SHROOM4: variants seen among roughly 807,000 people sequenced by gnomAD.
The protein encoded by SHROOM4 is shroom family member 4.
Under a neutral mutation model 80.3 loss-of-function variants are expected in SHROOM4, and 17 were observed. That is an observed-to-expected ratio of 0.21 (90% CI 0.14 to 0.32). The LOEUF (loss-of-function observed/expected upper bound fraction) is 0.32. Among genes scored for constraint, SHROOM4 ranks in the 10% least tolerant of loss-of-function variants. SHROOM4 has a pLI of 1.00. For synonymous variants in SHROOM4, 400 were observed against 437.5 expected, an observed-to-expected ratio of 0.91 and a Z score of 1.07; for missense variants, 993 against 1,140.3, an observed-to-expected ratio of 0.87 and a Z score of 1.86.
intron 1 of SHROOM4, among the ~76,000 whole-genome samples, chrX:50,785,298 A>G (rs781825696): frequency 8.9e-6 from 1 of 111,754 alleles, no homozygotes; most frequent in Admixed American, 9.5e-5. Flanking sequence ...TAGATTTAAC[A>G]AAGAAAAATG....
At chrX:50,743,351 T>C (rs1371294915) in intron 1 of SHROOM4, among the ~76,000 whole-genome samples, 1 of 111,689 alleles carries the variant, frequency 9.0e-6, no homozygotes, top group Non-Finnish European at 1.9e-5. Context: ...AGAAGGAATA[T>C]GTAATTACAC....
chrX:50,769,818 G>A (rs782125963), intron 1 of SHROOM4, among the ~76,000 whole-genome samples: 5 of 111,274 alleles, frequency 4.5e-5, no homozygotes, highest in Non-Finnish European at 9.4e-5. Flanking sequence ...TACTCTTGAA[G>A]GGCTTAGAGT....
Position 50,620,281 on chromosome X carries a change from G to A in SHROOM4, c.2957+7333C>T, listed in dbSNP as rs190868765. Among the ~76,000 whole-genome samples, 7 of 111,618 alleles carry A rather than the reference G, an allele frequency of 6.3e-5. No homozygotes were observed. The Admixed American group carries it at 6.6e-4, about 11-fold the overall frequency. ...GCTACTATCAGATTAGATTCAACAT[G>A]TGGTTTCATATTTATTATTTTTTTG... On this transcript the variant is annotated intron_variant, in intron 5 of 8. Transcript: ENST00000376020.
At chrX:50,655,187 C>T (rs1432542576) in intron 2 of SHROOM4, among the ~76,000 whole-genome samples, 1 of 109,551 alleles carries the variant, frequency 9.1e-6, no homozygotes, top group Non-Finnish European at 1.9e-5. Flanking sequence ...ATCCAATTCA[C>T]CATTGATGGG....
intron 1 of SHROOM4, among the ~76,000 whole-genome samples, chrX:50,728,327 C>T (rs1934287953): frequency 9.0e-6 from 1 of 110,683 alleles, no homozygotes; most frequent in African/African-American, 3.3e-5. Context: ...CCACTGCACT[C>T]CAGCCTGGGC....
At position 50,705,989 on chromosome X, in the gene SHROOM4, TACACACACACACACACACAC is replaced by T. The variant is rs56363612; in HGVS notation, c.118-10072_118-10053del. On this transcript the variant is annotated intron_variant, in intron 1 of 8. Transcript: ENST00000376020. ...TTATTTCCCACAACCTCTCATCCTC[TACACACACACACACACACAC>T]ACACACACACACACACACACACACA... Among the ~76,000 whole-genome samples, 3 of 74,392 alleles carry T rather than the reference TACACACACACACACACACAC, an allele frequency of 4.0e-5. No homozygotes were observed. The East Asian group carries it at 1.3e-3, about 33-fold the overall frequency. The allele number at this position is 74,392 out of a possible 115,157, so 64.6% of individuals were successfully genotyped here.
chrX:50,720,690 A>G (rs1337585084), intron 1 of SHROOM4, among the ~76,000 whole-genome samples: 1 of 111,607 alleles, frequency 9.0e-6, no homozygotes, highest in Non-Finnish European at 1.9e-5. Flanking sequence ...AGATCTGGCA[A>G]CAAGAAGAAA....
At chrX:50,650,901 TCTTA>T (rs1176755579) in intron 2 of SHROOM4, among the ~76,000 whole-genome samples, 2 of 112,014 alleles carry the variant, frequency 1.8e-5, no homozygotes, top group African/African-American at 6.5e-5. Flanking sequence ...GATTCTTTTG[TCTTA>T]CTATTTTTTA....
chrX:50,617,817 C>T (rs1438718215), intron 5 of SHROOM4, among the ~76,000 whole-genome samples: 1 of 110,984 alleles, frequency 9.0e-6, no homozygotes, highest in Non-Finnish European at 1.9e-5. Flanking sequence ...CACTCACTTG[C>T]CCTGTGTTGG....
chrX:50,609,800 T>G (rs1211396192), intron 5 of SHROOM4, among the ~76,000 whole-genome samples: 2 of 110,690 alleles, frequency 1.8e-5, no homozygotes, highest in Non-Finnish European at 3.8e-5. Context: ...ACTATCATTG[T>G]GAGGTGAAAT....
rs1235026313 is a variant in SHROOM4 at position 50,596,287 on chromosome X, G to T, written c.*408C>A. On this transcript the variant is annotated 3_prime_UTR_variant, in exon 9 of 9. Transcript: ENST00000376020. ...AGAAATGGCTGGCCACAAGCCCTGGGGCAGAGTAGAGCTGCAAGGCAGATT... is the reference window on the plus strand; with the variant it reads ...AGAAATGGCTGGCCACAAGCCCTGGTGCAGAGTAGAGCTGCAAGGCAGATT... 2.9e-6 allele frequency: 1 copy of T among 342,408 alleles called. No individual in the cohort carries two copies. Among genetic ancestry groups the T allele is most frequent in the Non-Finnish European group, 5.6e-6 (1 of 179,116 alleles). 28.2% of individuals were successfully genotyped at this position (342,408 alleles called of 1,213,427 possible). A position where few individuals can be genotyped will look rare whatever the true frequency, so the allele number is the denominator to read the frequency against.
chrX:50,693,439 T>C (rs1338916804), intron 2 of SHROOM4, among the ~76,000 whole-genome samples: 1 of 109,245 alleles, frequency 9.2e-6, no homozygotes, highest in Non-Finnish European at 1.9e-5. Flanking sequence ...TGGTGGTACA[T>C]GCCTGTAATC....
chrX:50,683,308 C>T (rs1326065103), intron 2 of SHROOM4, among the ~76,000 whole-genome samples: 2 of 111,529 alleles, frequency 1.8e-5, no homozygotes, highest in Non-Finnish European at 3.8e-5. Context: ...CAGAGATAAA[C>T]AGGCGTTCTA....
intron 6 of SHROOM4, among the ~76,000 whole-genome samples, chrX:50,606,220 A>C: frequency 1.0e-5 from 1 of 99,929 alleles, no homozygotes; most frequent in African/African-American, 3.9e-5. Context: ...TCCCAATGCT[A>C]TCCCTCCCCC....
chrX:50,686,572 A>G (rs1933077965), intron 2 of SHROOM4, among the ~76,000 whole-genome samples: 1 of 111,452 alleles, frequency 9.0e-6, no homozygotes, highest in Non-Finnish European at 1.9e-5. Flanking sequence ...ATAGTTTTCA[A>G]TATTGTTTGA....
chrX:50,655,944 A>G (rs782702861), intron 2 of SHROOM4, among the ~76,000 whole-genome samples: 26 of 111,370 alleles, frequency 2.3e-4, no homozygotes, highest in African/African-American at 8.5e-4. Flanking sequence ...TTGATTATAG[A>G]CATTCTAACA....
At chrX:50,721,659 T>C (rs1485724530) in intron 1 of SHROOM4, among the ~76,000 whole-genome samples, 1 of 111,449 alleles carries the variant, frequency 9.0e-6, no homozygotes, top group Non-Finnish European at 1.9e-5. Flanking sequence ...CTCCTGGGAA[T>C]GCAGCCCAGC....
intron 6 of SHROOM4, among the ~76,000 whole-genome samples, chrX:50,604,341 A>C (rs949318682): frequency 1.8e-5 from 2 of 112,103 alleles, no homozygotes; most frequent in African/African-American, 6.5e-5. Flanking sequence ...AACATGAGGC[A>C]ACATGAGGTA....
chrX:50,775,155 A>T (rs1354410893), intron 1 of SHROOM4, among the ~76,000 whole-genome samples: 1 of 111,477 alleles, frequency 9.0e-6, no homozygotes, highest in African/African-American at 3.3e-5. Flanking sequence ...GGACCTCCAA[A>T]ATGCTGAGTT....
Sources: allele counts gnomAD v4.1 joint callset (sites outside exome capture counted in the v4.1 genomes callset), GRCh38; gene constraint gnomAD v4.1.1; transcripts MANE v1.5; gene names NCBI Gene and HGNC (gene_info 2026-07-23, HGNC 2026-07-21).